The following KCNQ2 variants were observed in gnomAD, a reference collection of about 807,000 sequenced individuals.
KCNQ2 encodes potassium voltage-gated channel subfamily Q member 2, also known as potassium voltage-gated channel subfamily KQT member 2.
Under a neutral mutation model 84.8 loss-of-function variants are expected in KCNQ2, and 14 were observed. That is an observed-to-expected ratio of 0.17 (90% CI 0.11 to 0.26). KCNQ2 has a LOEUF of 0.26. Among genes scored for constraint, KCNQ2 ranks in the 10% least tolerant of loss-of-function variants. The probability of loss-of-function intolerance (pLI) is 1.00; values close to 1 mark genes in which losing one functional copy is unlikely to be tolerated. For synonymous variants in KCNQ2, 599 were observed against 554.1 expected, an observed-to-expected ratio of 1.08 and a Z score of -1.14; for missense variants, 788 against 1,254.0, an observed-to-expected ratio of 0.63 and a Z score of 5.61.
intron 11 of KCNQ2, among the ~76,000 whole-genome samples, chr20:63,420,775 G>A (rs376205489): frequency 2.0e-5 from 3 of 151,982 alleles, no homozygotes; most frequent in East Asian, 1.9e-4. Context: ...GCGGGTGGCC[G>A]GCTTCCACCC....
At chr20:63,418,115 C>T (rs1443995222) in intron 12 of KCNQ2, among the ~76,000 whole-genome samples, 2 of 152,320 alleles carry the variant, frequency 1.3e-5, no homozygotes, top group Non-Finnish European at 1.5e-5. Context: ...ATGCTGCAGA[C>T]ACCCGACCCC....
chr20:63,407,396 C>G lies in KCNQ2; in HGVS notation c.1888-21G>C. On this transcript the variant is annotated intron_variant, in intron 16 of 16. Transcript: ENST00000359125. The surrounding 1 kb of genome is among the most constrained non-coding windows in gnomAD (Gnocchi z 7.2). ...AAGACCTGCAAAAGGGGCTGCTGGG[C>G]TGGGGTGCGAGGGCCCGTCCCAGGA... is the stretch of plus-strand genomic sequence containing the variant. 1.9e-6 allele frequency: 3 copies of G among 1,597,348 alleles called. No individual in the cohort carries two copies. The highest frequency in any genetic ancestry group is 2.5e-6 in the Non-Finnish European group (3 of 1,179,398).
intron 7 of KCNQ2, among the ~76,000 whole-genome samples, chr20:63,435,938 T>C (rs1434019830): frequency 1.3e-5 from 2 of 151,730 alleles, no homozygotes. Flanking sequence ...TCTCTGGTTA[T>C]AATCCTTTCT....
At chr20:63,444,887 T>C (rs1442170099) in intron 3 of KCNQ2, 53 bp from the exon 4 acceptor site, 21 of 1,519,786 alleles carry the variant, frequency 1.4e-5, no homozygotes, top group Non-Finnish European at 1.9e-5. Context: ...CCGCACCCCC[T>C]TGGAGAAAAC....
At chr20:63,421,534 G>A (rs2080470228) in intron 11 of KCNQ2, among the ~76,000 whole-genome samples, 1 of 152,170 alleles carries the variant, frequency 6.6e-6, no homozygotes, top group Non-Finnish European at 1.5e-5. Context: ...GCTCCACACT[G>A]CGTGAGAAGG....
chr20:63,426,280 G>A (rs139446086), intron 10 of KCNQ2, among the ~76,000 whole-genome samples: 3 of 152,324 alleles, frequency 2.0e-5, no homozygotes, highest in East Asian at 1.9e-4. Context: ...CATCCTTCCC[G>A]ATAGCTCCAT....
chr20:63,423,173 T>A (rs2080525395), intron 11 of KCNQ2, among the ~76,000 whole-genome samples: 3 of 152,174 alleles, frequency 2.0e-5, no homozygotes, highest in Admixed American at 6.5e-5. Context: ...GCCGGAAGCA[T>A]TGCCCGTCTT....
intron 15 of KCNQ2, among the ~76,000 whole-genome samples, chr20:63,412,855 C>T (rs186709541): frequency 6.6e-6 from 1 of 152,346 alleles, no homozygotes; most frequent in East Asian, 1.9e-4. Flanking sequence ...TAAACACCCA[C>T]TCGTGTGTAT....
In KCNQ2 at chr20:63,401,961, G is replaced by A. The variant is rs140886482; in HGVS notation, c.*4683C>T. Reference sequence around the variant, plus strand: ...ACCACGTCTGCTGGGCACCCTCCACGGCAGGTCCAAGCCTCATGAGCCATC... The same window carrying A: ...ACCACGTCTGCTGGGCACCCTCCACAGCAGGTCCAAGCCTCATGAGCCATC... On this transcript the variant is annotated 3_prime_UTR_variant, in exon 17 of 17. Coordinates refer to ENST00000359125, the MANE Select transcript of KCNQ2 (RefSeq NM_172107.4). The A allele has an allele frequency of 9.0e-4, 143 of 159,568 alleles. No individual in the cohort carries two copies. The highest frequency in any genetic ancestry group is 1.3e-3 in the African/African-American group (45 of 35,020). The allele number at this position is 159,568 out of a possible 1,614,324, so 9.9% of individuals were successfully genotyped here.
intron 1 of KCNQ2, among the ~76,000 whole-genome samples, chr20:63,468,011 T>C (rs1278234104): frequency 6.6e-6 from 1 of 152,222 alleles, no homozygotes; most frequent in East Asian, 1.9e-4. Context: ...AGACACAGAA[T>C]GTGCACAGAG....
intron 7 of KCNQ2, among the ~76,000 whole-genome samples, chr20:63,436,348 G>T (rs192438995): frequency 6.6e-6 from 1 of 152,094 alleles, no homozygotes; most frequent in African/African-American, 2.4e-5. Context: ...TGGCTAACAC[G>T]GTGAAACCCC....
At chr20:63,431,294 C>G (rs775001586) in intron 9 of KCNQ2, 46 bp downstream of exon 9, 1 of 1,611,012 alleles carries the variant, frequency 6.2e-7, no homozygotes, top group East Asian at 2.2e-5. Flanking sequence ...AGACACAGAA[C>G]TAGAACCACA....
chr20:63,442,818 T>TCACCAC (rs1568934635), intron 4 of KCNQ2, among the ~76,000 whole-genome samples: 16 of 45,896 alleles, frequency 3.5e-4, no homozygotes, highest in Admixed American at 1.7e-3. Context: ...ACCACCACCA[T>TCACCAC]CACCATCACC....
Position 63,442,642 on chromosome 20 carries a change from C to T in KCNQ2, c.691-111G>A, listed in dbSNP as rs1463095684. On this transcript the variant is annotated intron_variant, in intron 4 of 16. Transcript: ENST00000359125. ...ACACCATGACCACCATCACCACCACCAAAACCATCACCACCACCATCACCA... is the reference window on the plus strand; with the variant it reads ...ACACCATGACCACCATCACCACCACTAAAACCATCACCACCACCATCACCA... 7 of 1,050,482 alleles carry T rather than the reference C, an allele frequency of 6.7e-6. No individual in the cohort carries two copies. In the African/African-American group the frequency reaches 1.1e-4, roughly 17 times the overall value. The allele number at this position is 1,050,482 out of a possible 1,614,324, so 65.1% of individuals were successfully genotyped here.
chr20:63,407,064 C>G lies in KCNQ2; in HGVS notation c.2199G>C (p.Val733=). ...HPRQGHGTSP[V]GDHGSLVRIP... is the part of the protein sequence containing the mutation. Reference sequence around the variant, plus strand: ...TGCGCACCAGGGAGCCGTGGTCCCCCACGGGGGAGGTGCCGTGGCCCTGGC... The same window carrying G: ...TGCGCACCAGGGAGCCGTGGTCCCCGACGGGGGAGGTGCCGTGGCCCTGGC... Residue 733 remains valine (V), a synonymous_variant, in exon 17 of 17, where the codon GTG becomes GTC. Transcript: ENST00000359125. The surrounding 1 kb of genome is among the most constrained non-coding windows in gnomAD (Gnocchi z 7.2). 1 of 1,524,076 alleles carries G rather than the reference C, an allele frequency of 6.6e-7. No individual in the cohort carries two copies. Among genetic ancestry groups the G allele is most frequent in the Non-Finnish European group, 8.8e-7 (1 of 1,137,686 alleles). The allele number at this position is 1,524,076 out of a possible 1,614,324, so 94.4% of individuals were successfully genotyped here. A position where few individuals can be genotyped will look rare whatever the true frequency, so the allele number is the denominator to read the frequency against.
At chr20:63,465,015 T>C (rs2082046564) in intron 1 of KCNQ2, among the ~76,000 whole-genome samples, 1 of 152,170 alleles carries the variant, frequency 6.6e-6, no homozygotes. Context: ...AGAAGTGCCT[T>C]CTCCTCCTGG....
chr20:63,446,469 G>A lies in KCNQ2; in HGVS notation c.387+278C>T, dbSNP rs1442257171. Among the ~76,000 whole-genome samples the A allele has an allele frequency of 1.3e-5, 2 of 152,262 alleles. No individual in the cohort carries two copies. Among genetic ancestry groups the A allele is most frequent in the Admixed American group, 1.3e-4 (2 of 15,304 alleles). ...AAGTGGGGATGGGAAAGGGAGGGTG[G>A]CCCACCCAGGGTGGGGGCGATGGAG... is the stretch of plus-strand genomic sequence containing the variant. On this transcript the variant is annotated intron_variant, in intron 2 of 16. Coordinates refer to ENST00000359125, the MANE Select transcript of KCNQ2 (RefSeq NM_172107.4). This position sits in a 1 kb window ranked among gnomAD's most constrained non-coding sequence, Gnocchi z 5.5.
chr20:63,444,509 C>T, intron 4 of KCNQ2, 150 bp downstream of exon 4: 1 of 526,572 alleles, frequency 1.9e-6, no homozygotes, highest in Non-Finnish European at 3.1e-6. Context: ...GGCTCGTTCA[C>T]ACCTGATGGG....
At position 63,438,465 on chromosome 20, in the gene KCNQ2, A is replaced by G. The variant is rs1184890459; in HGVS notation, c.1023+160T>C. 11 of 698,996 alleles carry G rather than the reference A, an allele frequency of 1.6e-5. No individual in the cohort carries two copies. In the African/African-American group the frequency reaches 1.9e-4, roughly 12 times the overall value. 43.3% of individuals were successfully genotyped at this position (698,996 alleles called of 1,614,324 possible). On this transcript the variant is annotated intron_variant, in intron 7 of 16. Transcript: ENST00000359125. The surrounding 1 kb of genome is among the most constrained non-coding windows in gnomAD (Gnocchi z 5.1). ...GGGTTGGAGCCATTTCTCAACACAC[A>G]CACTTCACATCCTCGCTCCTTCCAC...
Sources: allele counts gnomAD v4.1 joint callset (sites outside exome capture counted in the v4.1 genomes callset), GRCh38; gene constraint gnomAD v4.1.1; non-coding constraint Gnocchi (gnomAD v3.1); transcripts MANE v1.5; gene names NCBI Gene and HGNC (gene_info 2026-07-23, HGNC 2026-07-21).